Variants in MECOM observed in about 807,000 individuals in gnomAD.
The protein encoded by MECOM is histone-lysine N-methyltransferase MECOM.
Under a neutral mutation model 116.3 loss-of-function variants are expected in MECOM, and 13 were observed. That is an observed-to-expected ratio of 0.11 (90% CI 0.07 to 0.18). The LOEUF is 0.18. Ranked by LOEUF, MECOM falls within the 10% of genes least tolerant of loss-of-function variation. The probability of loss-of-function intolerance (pLI) is 1.00; values close to 1 mark genes in which losing one functional copy is unlikely to be tolerated. For synonymous variants in MECOM, 528 were observed against 535.2 expected, an observed-to-expected ratio of 0.99 and a Z score of 0.19; for missense variants, 1,299 against 1,509.0, an observed-to-expected ratio of 0.86 and a Z score of 2.31.
chr3:169,286,527 A>T (rs1713356418), intron 2 of MECOM, among the ~76,000 whole-genome samples: 1 of 152,186 alleles, frequency 6.6e-6, no homozygotes, highest in African/African-American at 2.4e-5. Context: ...TCTGTCTTCC[A>T]CGGTTGACAA....
intron 2 of MECOM, among the ~76,000 whole-genome samples, chr3:169,379,520 A>AAG (rs78725361): frequency 0.32 from 48,868 of 151,878 alleles, 8,166 homozygotes; most frequent in East Asian, 0.5. Context: ...GTATATGTGG[A>AAG]AGACATTTCA....
Position 169,637,219 on chromosome 3 carries a change from G to A in MECOM, c.37+26117C>T, listed in dbSNP as rs754885139. 8.5e-5 allele frequency among the ~76,000 whole-genome samples: 13 copies of A among 152,072 alleles called. 1 individual carries two copies. Among genetic ancestry groups the A allele is most frequent in the South Asian group, 4.1e-4 (2 of 4,822 alleles). ...AAGCAGCCATTCGATTGAGCCACTC[G>A]AACATCCAGCTTAGTGGTCTTCTAA... is the stretch of plus-strand genomic sequence containing the variant. On this transcript the variant is annotated intron_variant, in intron 1 of 16. Coordinates refer to ENST00000651503, the MANE Select transcript of MECOM (RefSeq NM_004991.4).
intron 3 of MECOM, among the ~76,000 whole-genome samples, chr3:169,134,308 A>C (rs1029664292): frequency 6.6e-6 from 1 of 152,208 alleles, no homozygotes; most frequent in Non-Finnish European, 1.5e-5. Flanking sequence ...TCCCTTTAAG[A>C]GTCCAGATTG....
chr3:169,163,185 T>C (rs1203045531), intron 2 of MECOM, among the ~76,000 whole-genome samples: 1 of 152,218 alleles, frequency 6.6e-6, no homozygotes, highest in Non-Finnish European at 1.5e-5. Context: ...AGATTGGATA[T>C]GTAGGCAAAA....
intron 1 of MECOM, among the ~76,000 whole-genome samples, chr3:169,436,245 CTTT>C (rs11349670): frequency 9.6e-4 from 90 of 93,668 alleles, no homozygotes; most frequent in African/African-American, 2.0e-3. Context: ...GGCTAAATCG[CTTT>C]TTTTTTTTTT....
intron 1 of MECOM, among the ~76,000 whole-genome samples, chr3:169,563,111 C>T (rs1222869497): frequency 6.6e-6 from 1 of 150,400 alleles, no homozygotes; most frequent in Non-Finnish European, 1.5e-5. Context: ...GAGATGATTG[C>T]TTTGAAAGGG....
chr3:169,649,146 A>G (rs960488365), intron 1 of MECOM, among the ~76,000 whole-genome samples: 10 of 152,158 alleles, frequency 6.6e-5, no homozygotes, highest in Non-Finnish European at 1.5e-4. Flanking sequence ...ACAACAGACA[A>G]ATGTGATAGG....
At chr3:169,455,492 G>A (rs1311956940) in intron 1 of MECOM, among the ~76,000 whole-genome samples, 1 of 152,032 alleles carries the variant, frequency 6.6e-6, no homozygotes, top group Non-Finnish European at 1.5e-5. Context: ...GAAGTTAAAA[G>A]GTAAAGATTA....
chr3:169,410,810 G>T lies in MECOM; in HGVS notation c.38-29286C>A, dbSNP rs1737442786. On this transcript the variant is annotated intron_variant, in intron 1 of 16. Coordinates refer to ENST00000651503, the MANE Select transcript of MECOM (RefSeq NM_004991.4). ...TCTAAATGTTTTCAATGAACTCAAA[G>T]ACTAGTTATTTCAGGACAAAATAAT... 3.3e-5 allele frequency among the ~76,000 whole-genome samples: 5 copies of T among 151,838 alleles called. 1 individual carries two copies. Among genetic ancestry groups the T allele is most frequent in the Admixed American group, 3.3e-4 (5 of 15,238 alleles).
Position 169,438,179 on chromosome 3 carries a change from T to C in MECOM, c.38-56655A>G, listed in dbSNP as rs140413085. Among the ~76,000 whole-genome samples, 16 of 152,332 alleles carry C rather than the reference T, an allele frequency of 1.1e-4. No homozygotes were observed. The East Asian group carries it at 3.1e-3, about 29-fold the overall frequency. On this transcript the variant is annotated intron_variant, in intron 1 of 16. Transcript: ENST00000651503. The stretch of plus-strand genomic sequence containing the variant: ...GAGCCCACGCGCTTTATCCCTAAAC[T>C]ATACACCTTCTCACTCTGGGCTTCA...
chr3:169,639,680 T>C (rs908803017), intron 1 of MECOM, among the ~76,000 whole-genome samples: 3 of 152,162 alleles, frequency 2.0e-5, no homozygotes, highest in Admixed American at 6.5e-5. Context: ...TTGTAATCAG[T>C]ATAGGGAAAA....
At chr3:169,180,142 T>C (rs1745751022) in intron 2 of MECOM, among the ~76,000 whole-genome samples, 2 of 152,362 alleles carry the variant, frequency 1.3e-5, no homozygotes, top group African/African-American at 2.4e-5. Context: ...ATTATTTTCC[T>C]CTCTTTCCTA....
At chr3:169,377,740 C>T (rs934490038) in intron 2 of MECOM, among the ~76,000 whole-genome samples, 4 of 152,100 alleles carry the variant, frequency 2.6e-5, no homozygotes, top group East Asian at 1.9e-4. Flanking sequence ...TAAATTAGTT[C>T]GACCATTGTG....
chr3:169,364,103 T>G (rs1376784735), intron 2 of MECOM, among the ~76,000 whole-genome samples: 1 of 151,994 alleles, frequency 6.6e-6, no homozygotes, highest in Non-Finnish European at 1.5e-5. Flanking sequence ...TGACATGGCC[T>G]GTACTCAGCA....
At chr3:169,149,610 G>A (rs764811268) in intron 2 of MECOM, 1 of 441,294 alleles carries the variant, frequency 2.3e-6, no homozygotes, top group East Asian at 6.9e-5. Flanking sequence ...GCCGTTCCGC[G>A]TCCTTCCGAG....
At chr3:169,607,452 T>C (rs1439009925) in intron 1 of MECOM, among the ~76,000 whole-genome samples, 1 of 152,238 alleles carries the variant, frequency 6.6e-6, no homozygotes, top group Admixed American at 6.5e-5. Context: ...AGAGGGAAAT[T>C]GCAAGGAATT....
At chr3:169,637,787 A>C (rs1405545705) in intron 1 of MECOM, among the ~76,000 whole-genome samples, 2 of 152,236 alleles carry the variant, frequency 1.3e-5, no homozygotes, top group Non-Finnish European at 2.9e-5. Context: ...ATTAAAAATC[A>C]ATAGATGTTT....
chr3:169,526,187 T>C (rs1308186413), intron 1 of MECOM, among the ~76,000 whole-genome samples: 5 of 152,046 alleles, frequency 3.3e-5, no homozygotes, highest in Non-Finnish European at 4.4e-5. Context: ...ATGTTCAATG[T>C]TGAATTGAAA....
chr3:169,094,414 A>G (rs1198423046), intron 13 of MECOM, among the ~76,000 whole-genome samples: 4 of 152,192 alleles, frequency 2.6e-5, no homozygotes, highest in African/African-American at 9.7e-5. Flanking sequence ...TTATCTAACT[A>G]TTGGAAGCCA....
Sources: allele counts gnomAD v4.1 joint callset (sites outside exome capture counted in the v4.1 genomes callset), GRCh38; gene constraint gnomAD v4.1.1; transcripts MANE v1.5; gene names NCBI Gene and HGNC (gene_info 2026-07-23, HGNC 2026-07-21).